Variants in USP25 observed in about 807,000 individuals in gnomAD.
The protein encoded by USP25 is ubiquitin specific peptidase 25, also known as ubiquitin carboxyl-terminal hydrolase 25.
In USP25, 85 loss-of-function variants were observed where a neutral mutation model predicts 158.5. The observed-to-expected ratio is 0.54, with a 90% CI of 0.45 to 0.64. USP25 has a LOEUF of 0.64. Ranked by LOEUF, USP25 falls within the 30% of genes least tolerant of loss-of-function variation. The probability of loss-of-function intolerance (pLI) is 0.00; values close to 1 mark genes in which losing one functional copy is unlikely to be tolerated. For missense variants in USP25, 1,242 were observed against 1,327.3 expected (o/e 0.94, Z 1.00); for synonymous variants, 464 against 460.4 (o/e 1.01, Z -0.10).
intron 4 of USP25, among the ~76,000 whole-genome samples, chr21:15,779,552 G>A (rs1025510244): frequency 6.6e-6 from 1 of 151,660 alleles, no homozygotes; most frequent in Non-Finnish European, 1.5e-5. Context: ...TCTATTATGT[G>A]TTTTCTAATT....
rs547580308 is a variant in USP25, at chr21:15,792,091, A to G, written c.555+427A>G. On this transcript the variant is annotated intron_variant, in intron 5 of 25. Transcript: ENST00000400183. Reference sequence around the variant, plus strand: ...GAATTATAGACACTTAGTATTTTTAATAAGCATTTTGTTTGAGGTTGGTAT... The same window carrying G: ...GAATTATAGACACTTAGTATTTTTAGTAAGCATTTTGTTTGAGGTTGGTAT... Among the ~76,000 whole-genome samples, 220 of 151,866 alleles carry G rather than the reference A, an allele frequency of 1.4e-3. 3 individuals carry two copies. Among genetic ancestry groups the G allele is most frequent in the African/African-American group, 4.8e-3 (200 of 41,516 alleles).
At chr21:15,804,049 A>G (rs751761020) in intron 6 of USP25, among the ~76,000 whole-genome samples, 27 of 152,044 alleles carry the variant, frequency 1.8e-4, no homozygotes, top group Non-Finnish European at 3.8e-4. Flanking sequence ...AGAACTAAAT[A>G]TTATAAGAAT....
At chr21:15,762,865 TG>T in intron 1 of USP25, 25 bp from the exon 2 acceptor site, 1 of 1,595,786 alleles carries the variant, frequency 6.3e-7, no homozygotes, top group Non-Finnish European at 8.5e-7. Context: ...GAGAATATAA[TG>T]ATTTTGGGTT....
At chr21:15,844,676 G>C (rs1408343484) in intron 18 of USP25, among the ~76,000 whole-genome samples, 4 of 152,056 alleles carry the variant, frequency 2.6e-5, no homozygotes, top group Non-Finnish European at 4.4e-5. Context: ...GGAATACTTA[G>C]GATATTTTCA....
intron 7 of USP25, among the ~76,000 whole-genome samples, chr21:15,807,527 AG>A (rs1298164614): frequency 6.6e-6 from 1 of 152,198 alleles, no homozygotes; most frequent in Non-Finnish European, 1.5e-5. Flanking sequence ...TCCAGAGTAA[AG>A]GTGTTGGCAG....
chr21:15,736,810 G>T (rs1424381030), intron 1 of USP25, among the ~76,000 whole-genome samples: 3 of 151,800 alleles, frequency 2.0e-5, no homozygotes, highest in East Asian at 3.9e-4. Flanking sequence ...TCTTAGTGTT[G>T]CAGATGCATT....
intron 1 of USP25, among the ~76,000 whole-genome samples, chr21:15,731,228 A>C (rs777244981): frequency 5.9e-5 from 9 of 152,120 alleles, no homozygotes; most frequent in Non-Finnish European, 2.9e-5. Context: ...TGCTTTCAGA[A>C]TCTTAAGTGC....
intron 15 of USP25, among the ~76,000 whole-genome samples, chr21:15,831,073 G>A (rs2146387875): frequency 6.6e-6 from 1 of 152,198 alleles, no homozygotes; most frequent in East Asian, 1.9e-4. Context: ...AGACACATTT[G>A]CTATATGTAA....
chr21:15,860,965 TATA>T (rs2039398692), intron 20 of USP25, among the ~76,000 whole-genome samples: 1 of 141,868 alleles, frequency 7.0e-6, no homozygotes, highest in African/African-American at 2.5e-5. Flanking sequence ...TATATATATA[TATA>T]TATATATAGA....
chr21:15,862,094 C>T (rs1046920025), intron 20 of USP25, among the ~76,000 whole-genome samples: 7 of 152,026 alleles, frequency 4.6e-5, no homozygotes, highest in East Asian at 1.9e-4. Flanking sequence ...GGAATCACTC[C>T]GTGCATGTAA....
At chr21:15,846,155 TATA>T (rs368105636) in intron 18 of USP25, among the ~76,000 whole-genome samples, 1,507 of 34,986 alleles carry the variant, frequency 0.043, 59 homozygotes, top group African/African-American at 0.083. Context: ...TATATATATA[TATA>T]TTTTTTTTTT....
intron 3 of USP25, among the ~76,000 whole-genome samples, chr21:15,773,618 T>G (rs1363835848): frequency 6.6e-6 from 1 of 152,204 alleles, no homozygotes; most frequent in Non-Finnish European, 1.5e-5. Flanking sequence ...CAATTATGAT[T>G]TGTTTCATAA....
At chr21:15,790,553 A>G (rs918613396) in intron 4 of USP25, among the ~76,000 whole-genome samples, 3 of 152,004 alleles carry the variant, frequency 2.0e-5, no homozygotes, top group Non-Finnish European at 4.4e-5. Context: ...AAAAGTTGAA[A>G]AAAACTAATC....
intron 1 of USP25, among the ~76,000 whole-genome samples, chr21:15,731,175 A>G (rs147476112): frequency 9.5e-4 from 144 of 152,094 alleles, no homozygotes; most frequent in East Asian, 4.8e-3. Flanking sequence ...GTGAAACTTT[A>G]TATCTTTAAA....
chr21:15,783,794 A>T (rs770776195), intron 4 of USP25, among the ~76,000 whole-genome samples: 1 of 98,842 alleles, frequency 1.0e-5, no homozygotes. Flanking sequence ...CGTCTGTACT[A>T]AAAAAAAAAA....
intron 22 of USP25, among the ~76,000 whole-genome samples, chr21:15,868,461 A>G (rs1453930080): frequency 2.0e-5 from 3 of 152,290 alleles, no homozygotes; most frequent in East Asian, 1.9e-4. Context: ...TGCTTCCTTC[A>G]GTTTGCTTCA....
rs895426953 is a variant in USP25 at position 15,801,220 on chromosome 21, A to G, written c.642+1377A>G. ...GATTTTAATGTTTTACAGAGCTTTA[A>G]TTTCTTTTGTTCTTCACAGAGTTGA... On this transcript the variant is annotated intron_variant, in intron 6 of 25. Transcript: ENST00000400183. 1.6e-4 allele frequency among the ~76,000 whole-genome samples: 24 copies of G among 151,548 alleles called. 1 individual carries two copies. The highest frequency in any genetic ancestry group is 1.5e-3 in the Admixed American group (23 of 15,164).
chr21:15,799,871 G>GTA, intron 6 of USP25, 28 bp downstream of exon 6: 5 of 1,502,506 alleles, frequency 3.3e-6, no homozygotes, highest in Non-Finnish European at 4.6e-6. Context: ...TTTTTAAGCA[G>GTA]TATATATACT....
At chr21:15,790,292 T>A (rs540318225) in intron 4 of USP25, among the ~76,000 whole-genome samples, 1 of 152,138 alleles carries the variant, frequency 6.6e-6, no homozygotes, top group African/African-American at 2.4e-5. Context: ...TAGAAACTGT[T>A]TACTTTTCAC....
Sources: gnomAD v4.1 joint callset for allele counts (sites outside exome capture counted in the v4.1 genomes callset) on GRCh38, gnomAD v4.1.1 for gene constraint, MANE v1.5 for transcripts, NCBI Gene and HGNC (gene_info 2026-07-23, HGNC 2026-07-21) for gene names.